Variants in SPTLC2 observed in about 807,000 individuals in gnomAD.
SPTLC2 encodes serine palmitoyltransferase 2.
SPTLC2 carries 21 observed loss-of-function variants against 62.0 expected under a neutral mutation model. The ratio of observed to expected loss-of-function variants is 0.34; its 90% CI spans 0.24 to 0.49. The LOEUF is 0.49. Ranked by LOEUF, SPTLC2 falls within the 20% of genes least tolerant of loss-of-function variation. The pLI, the probability that SPTLC2 is intolerant of heterozygous loss-of-function variation, is 0.99. For synonymous variants in SPTLC2, 261 were observed against 261.8 expected (o/e 1.00, Z 0.03); for missense variants, 511 against 713.0 (o/e 0.72, Z 3.23).
chr14:77,506,380 T>C lies in SPTLC2; in HGVS notation c.*5904A>G, dbSNP rs147221376. The C allele has an allele frequency of 1.1e-4, 16 of 152,242 alleles. No individual in the cohort carries two copies. In the East Asian group the frequency reaches 2.9e-3, roughly 28 times the overall value. The allele number at this position is 152,242 out of a possible 1,614,324, so 9.4% of individuals were successfully genotyped here. ...AACTTGGTCAGGGGAAAAATATGGG[T>C]CAACGAAGTAAGATCTCAGCTCTCC... On this transcript the variant is annotated 3_prime_UTR_variant, in exon 12 of 12. Coordinates refer to ENST00000216484, the MANE Select transcript of SPTLC2 (RefSeq NM_004863.4).
rs547859647 is a variant in SPTLC2, at chr14:77,517,931, T to G, written c.1569+107A>C. ...TGGTAGCACTGTCACCCCCTCTGTC[T>G]TAGGTGCTCACAAGAACATCAAGAT... On this transcript the variant is annotated intron_variant, in intron 11 of 11. Coordinates refer to ENST00000216484, the MANE Select transcript of SPTLC2 (RefSeq NM_004863.4). 1.3e-5 allele frequency: 20 copies of G among 1,562,772 alleles called. No homozygotes were observed. In the Admixed American group the frequency reaches 2.7e-4, roughly 21 times the overall value.
In SPTLC2 at chr14:77,567,908, C is replaced by T. The variant is rs114256293; in HGVS notation, c.756+2476G>A. Among the ~76,000 whole-genome samples the T allele has an allele frequency of 5.2e-3, 790 of 150,850 alleles. 9 individuals carry two copies. Among genetic ancestry groups the T allele is most frequent in the African/African-American group, 0.019 (764 of 41,092 alleles). On this transcript the variant is annotated intron_variant, in intron 5 of 11. Transcript: ENST00000216484. The stretch of plus-strand genomic sequence containing the variant: ...GGTTGAATATTCCTTATTCAAAATG[C>T]TTGGGACCAGATGTGTTTCAGAGTT...
At chr14:77,580,432 G>A (rs548422943) in intron 2 of SPTLC2, among the ~76,000 whole-genome samples, 165 of 148,332 alleles carry the variant, frequency 1.1e-3, no homozygotes, top group African/African-American at 3.9e-3. Context: ...GCAGTGGGCC[G>A]TGGTCACTGC....
chr14:77,526,956 G>A (rs1025280888), intron 9 of SPTLC2, among the ~76,000 whole-genome samples: 14 of 151,844 alleles, frequency 9.2e-5, no homozygotes, highest in African/African-American at 3.4e-4. Flanking sequence ...CACAACACCC[G>A]GCTAATTTTT....
At chr14:77,559,036 T>A (rs1417353913) in intron 6 of SPTLC2, among the ~76,000 whole-genome samples, 3 of 152,148 alleles carry the variant, frequency 2.0e-5, no homozygotes, top group Non-Finnish European at 4.4e-5. Flanking sequence ...AAAAGAAGCA[T>A]CAGCCAGGTG....
chr14:77,614,115 C>A (rs2079952198), intron 1 of SPTLC2, among the ~76,000 whole-genome samples: 1 of 152,172 alleles, frequency 6.6e-6, no homozygotes, highest in Non-Finnish European at 1.5e-5. Flanking sequence ...CAAAACATGT[C>A]CCCAAAAGTC....
chr14:77,584,332 G>A (rs1392426734), intron 2 of SPTLC2, among the ~76,000 whole-genome samples: 1 of 152,142 alleles, frequency 6.6e-6, no homozygotes. Context: ...GTCCAACACA[G>A]ATAGTCAAAT....
intron 5 of SPTLC2, among the ~76,000 whole-genome samples, chr14:77,563,109 T>A (rs2079623957): frequency 6.6e-6 from 1 of 152,126 alleles, no homozygotes; most frequent in African/African-American, 2.4e-5. Flanking sequence ...CTGCAGTTCT[T>A]ACTCTTCCAT....
intron 2 of SPTLC2, among the ~76,000 whole-genome samples, chr14:77,587,171 T>G (rs2079786225): frequency 6.6e-6 from 1 of 151,874 alleles, no homozygotes; most frequent in Non-Finnish European, 1.5e-5. Flanking sequence ...GAGCTTGCAG[T>G]GAGCTGAGAT....
intron 2 of SPTLC2, among the ~76,000 whole-genome samples, chr14:77,582,345 C>T (rs903091026): frequency 2.0e-5 from 3 of 152,136 alleles, no homozygotes; most frequent in African/African-American, 2.4e-5. Context: ...TGAGCTATGG[C>T]GCCCGGCCAA....
At chr14:77,595,739 A>G (rs2079843291) in intron 2 of SPTLC2, among the ~76,000 whole-genome samples, 1 of 152,152 alleles carries the variant, frequency 6.6e-6, no homozygotes, top group Non-Finnish European at 1.5e-5. Flanking sequence ...TTCTTCTACA[A>G]TCAATGTTCA....
chr14:77,566,993 C>A (rs975824231), intron 5 of SPTLC2, among the ~76,000 whole-genome samples: 1 of 151,386 alleles, frequency 6.6e-6, no homozygotes, highest in African/African-American at 2.4e-5. Flanking sequence ...TTTTTTGAGA[C>A]GGAGTCTCGC....
In SPTLC2 at chr14:77,563,583, GC is replaced by G. The variant is rs926627586; in HGVS notation, c.757-1095del. Among the ~76,000 whole-genome samples, 62 of 152,130 alleles carry G rather than the reference GC, an allele frequency of 4.1e-4. 1 individual carries two copies. Among genetic ancestry groups the G allele is most frequent in the African/African-American group, 1.4e-3 (57 of 41,512 alleles). On this transcript the variant is annotated intron_variant, in intron 5 of 11. Transcript: ENST00000216484. ...TGGGATTACAGGAGCCCACCACCAG[GC>G]CCAGCTAATATTTGTATTTTTAGTA...
intron 1 of SPTLC2, among the ~76,000 whole-genome samples, chr14:77,604,786 G>A (rs2140062017): frequency 6.7e-6 from 1 of 148,302 alleles, no homozygotes; most frequent in Middle Eastern, 3.5e-3. Context: ...AGAATTGCTT[G>A]AACCTGGGAG....
intron 9 of SPTLC2, among the ~76,000 whole-genome samples, chr14:77,536,495 T>G (rs924663684): frequency 5.9e-5 from 9 of 152,118 alleles, no homozygotes; most frequent in Non-Finnish European, 1.0e-4. Flanking sequence ...CAGTTAAATG[T>G]TTTTTAGTAT....
intron 2 of SPTLC2, among the ~76,000 whole-genome samples, chr14:77,580,000 TC>T (rs766124898): frequency 6.6e-6 from 1 of 152,054 alleles, no homozygotes; most frequent in Non-Finnish European, 1.5e-5. Context: ...AGACGGCTCT[TC>T]CCTCCCCACA....
intron 9 of SPTLC2, among the ~76,000 whole-genome samples, chr14:77,534,182 A>T (rs950824924): frequency 0.019 from 670 of 35,172 alleles, 4 homozygotes; most frequent in Middle Eastern, 0.13. Context: ...TCTCTCTCAC[A>T]CACACACACA....
At chr14:77,551,078 A>T (rs1216558321) in intron 9 of SPTLC2, among the ~76,000 whole-genome samples, 1 of 152,090 alleles carries the variant, frequency 6.6e-6, no homozygotes. Context: ...CAAATGCCAA[A>T]CTGACTTTAC....
Position 77,506,569 on chromosome 14 carries a change from T to C in SPTLC2, c.*5715A>G, listed in dbSNP as rs1422765262. ...AGGATGCTTTTTATAATTCCAACCA[T>C]TGGCTTCACATCACTGAGGTAACAA... On this transcript the variant is annotated 3_prime_UTR_variant, in exon 12 of 12. Coordinates refer to ENST00000216484, the MANE Select transcript of SPTLC2 (RefSeq NM_004863.4). 1.3e-5 allele frequency: 2 copies of C among 152,222 alleles called. No individual in the cohort carries two copies. The highest frequency in any genetic ancestry group is 2.9e-5 in the Non-Finnish European group (2 of 68,050). The allele number at this position is 152,222 out of a possible 1,614,324, so 9.4% of individuals were successfully genotyped here.
Sources: allele counts gnomAD v4.1 joint callset (sites outside exome capture counted in the v4.1 genomes callset), GRCh38; gene constraint gnomAD v4.1.1; transcripts MANE v1.5; gene names NCBI Gene and HGNC (gene_info 2026-07-23, HGNC 2026-07-21).